NSA2: variants seen among roughly 807,000 people sequenced by gnomAD.
The protein encoded by NSA2 is NSA2 ribosome biogenesis factor.
A neutral mutation model predicts 34.8 loss-of-function variants in NSA2; 18 were observed. The observed-to-expected ratio is 0.52, with a 90% CI of 0.36 to 0.77. NSA2 has a LOEUF of 0.77. Among genes scored for constraint, NSA2 ranks in the 30% least tolerant of loss-of-function variants. The pLI is 0.00. For synonymous variants in NSA2, 79 were observed against 100.2 expected (o/e 0.79, Z 1.26); for missense variants, 188 against 314.7 (o/e 0.60, Z 3.05).
chr5:74,770,914 G>C (rs1298719464), intron 4 of NSA2, 104 bp downstream of exon 4: 5 of 880,804 alleles, frequency 5.7e-6, no homozygotes, highest in Non-Finnish European at 8.2e-6. Context: ...ATGTGGAACA[G>C]GTTGAAAGAT....
rs1301444845 is a variant in NSA2 at position 74,779,464 on chromosome 5, A to G, written c.*2793A>G. 2.0e-5 allele frequency: 3 copies of G among 152,180 alleles called. No individual in the cohort carries two copies. Among genetic ancestry groups the G allele is most frequent in the African/African-American group, 4.8e-5 (2 of 41,464 alleles). The allele number at this position is 152,180 out of a possible 1,614,324, so 9.4% of individuals were successfully genotyped here. Reference sequence around the variant, plus strand: ...AAACAAATCCAAGTAAAAATAAAATATCTACAAGTGTTTTCAAATCTAAGA... The same window carrying G: ...AAACAAATCCAAGTAAAAATAAAATGTCTACAAGTGTTTTCAAATCTAAGA... On this transcript the variant is annotated 3_prime_UTR_variant, in exon 6 of 6. Coordinates refer to ENST00000610426, the MANE Select transcript of NSA2 (RefSeq NM_014886.6).
intron 4 of NSA2, among the ~76,000 whole-genome samples, chr5:74,771,181 G>A (rs1055532592): frequency 2.9e-4 from 44 of 151,906 alleles, no homozygotes; most frequent in African/African-American, 9.4e-4. Context: ...TAGGGAGGCT[G>A]AGGCAGGAGA....
At chr5:74,770,491 T>C (rs965284693) in intron 3 of NSA2, 140 bp from the exon 4 acceptor site, 14 of 611,612 alleles carry the variant, frequency 2.3e-5, no homozygotes, top group African/African-American at 9.3e-5. Flanking sequence ...TACAGACCTC[T>C]AGAAGACGGT....
chr5:74,777,310 T>G lies in NSA2; in HGVS notation c.*639T>G, dbSNP rs895838353. ...TGAAAAAAATATACTAAAGTCTTTG[T>G]ACTCTCTTAGCATTTTCTGTATTCT... is the stretch of plus-strand genomic sequence containing the variant. On this transcript the variant is annotated 3_prime_UTR_variant, in exon 6 of 6. Coordinates refer to ENST00000610426, the MANE Select transcript of NSA2 (RefSeq NM_014886.6). The G allele has an allele frequency of 6.6e-6, 1 of 152,164 alleles. No individual in the cohort carries two copies. Among genetic ancestry groups the G allele is most frequent in the African/African-American group, 2.4e-5 (1 of 41,458 alleles). The allele number at this position is 152,164 out of a possible 1,614,324, so 9.4% of individuals were successfully genotyped here.
At chr5:74,772,741 T>C (rs1744984668) in intron 4 of NSA2, among the ~76,000 whole-genome samples, 1 of 152,244 alleles carries the variant, frequency 6.6e-6, no homozygotes, top group African/African-American at 2.4e-5. Context: ...TTCTAGGTTT[T>C]CTGTAGTTTC....
Position 74,770,756 on chromosome 5 carries a change from T to C in NSA2, c.468T>C (p.Val156=). The change falls in exon 4 of 6, where the codon GTT becomes GTC. Residue 156 remains valine, a synonymous_variant. Coordinates refer to ENST00000610426, the MANE Select transcript of NSA2 (RefSeq NM_014886.6). ...GAATGGTTACTAAAGTGTGCTTTGT[T>C]GGAGATGGCTTTACAAGAAAACCAC... ...WKRMVTKVCF[V]GDGFTRKPPK... 1 of 1,612,304 alleles carries C rather than the reference T, an allele frequency of 6.2e-7. No individual in the cohort carries two copies. Among genetic ancestry groups the C allele is most frequent in the Non-Finnish European group, 8.5e-7 (1 of 1,179,344 alleles).
rs577031670 is a variant in NSA2, at chr5:74,774,077, A to C, written c.715+17A>C. 8 of 1,580,504 alleles carry C rather than the reference A, an allele frequency of 5.1e-6. No homozygotes were observed. The Admixed American group carries it at 1.3e-4, about 26-fold the overall frequency. ...TTATTTGGGGTAAGTGAATTTTTGAATACAGGGCTGCTGTGTTCTGCAGTA... is the reference window on the plus strand; with the variant it reads ...TTATTTGGGGTAAGTGAATTTTTGACTACAGGGCTGCTGTGTTCTGCAGTA... On this transcript the variant is annotated intron_variant, in intron 5 of 5. Transcript: ENST00000610426.
At chr5:74,774,137 A>G in intron 5 of NSA2, 77 bp downstream of exon 5, 1 of 994,814 alleles carries the variant, frequency 1.0e-6, no homozygotes, top group Non-Finnish European at 1.5e-6. Context: ...ATGTATTAAT[A>G]AAATATACAG....
rs1744809927 is a variant in NSA2 at position 74,768,789 on chromosome 5, G to T, written c.4-142G>T. ...GACCAAAATTTAACTTACATCATGT[G>T]AATAAACTTAATGGTGCAAGAATCA... On this transcript the variant is annotated intron_variant, in intron 1 of 5. Coordinates refer to ENST00000610426, the MANE Select transcript of NSA2 (RefSeq NM_014886.6). 6 of 626,112 alleles carry T rather than the reference G, an allele frequency of 9.6e-6. No individual in the cohort carries two copies. The South Asian group carries it at 1.7e-4, about 18-fold the overall frequency. The allele number at this position is 626,112 out of a possible 1,614,324, so 38.8% of individuals were successfully genotyped here. A position where few individuals can be genotyped will look rare whatever the true frequency, so the allele number is the denominator to read the frequency against.
chr5:74,770,331 TAAAAAA>T (rs58512296), intron 3 of NSA2, among the ~76,000 whole-genome samples: 2 of 101,538 alleles, frequency 2.0e-5, no homozygotes, highest in Non-Finnish European at 4.1e-5. Context: ...AGACTCCATC[TAAAAAA>T]AAAAAAAAAA....
intron 1 of NSA2, among the ~76,000 whole-genome samples, chr5:74,768,607 T>G (rs1744799921): frequency 6.6e-6 from 1 of 152,216 alleles, no homozygotes. Context: ...TGACTTAAAT[T>G]TTTTAAATGT....
chr5:74,768,786 T>C, intron 1 of NSA2, 145 bp from the exon 2 acceptor site: 3 of 605,344 alleles, frequency 5.0e-6, no homozygotes, highest in Non-Finnish European at 5.4e-6. Context: ...ACTTACATCA[T>C]GTGAATAAAC....
chr5:74,778,263 C>T lies in NSA2; in HGVS notation c.*1592C>T, dbSNP rs1745222469. On this transcript the variant is annotated 3_prime_UTR_variant, in exon 6 of 6. Coordinates refer to ENST00000610426, the MANE Select transcript of NSA2 (RefSeq NM_014886.6). The stretch of plus-strand genomic sequence containing the variant: ...TGAAACATTTTTCAAAATACTGTAA[C>T]ACAGATGAGTAATATTAGTATAAAT... The T allele has an allele frequency of 6.6e-6, 1 of 151,928 alleles. No individual in the cohort carries two copies. The highest frequency in any genetic ancestry group is 2.1e-4 in the South Asian group (1 of 4,824). The allele number at this position is 151,928 out of a possible 1,614,324, so 9.4% of individuals were successfully genotyped here.
Position 74,776,593 on chromosome 5 carries a change from G to A in NSA2, c.716-11G>A. ...CCTCCCTTTTCCCTTTTTTGGTTTT[G>A]TTTTCCTTAGGAAAATATGCCCAGG... On this transcript the variant is annotated splice_polypyrimidine_tract_variant and intron_variant, in intron 5 of 5. Transcript: ENST00000610426. 1 of 1,515,176 alleles carries A rather than the reference G, an allele frequency of 6.6e-7. No homozygotes were observed. The highest frequency in any genetic ancestry group is 9.1e-7 in the Non-Finnish European group (1 of 1,093,212). The allele number at this position is 1,515,176 out of a possible 1,614,324, so 93.9% of individuals were successfully genotyped here.
At chr5:74,773,471 A>G (rs1745010951) in intron 4 of NSA2, among the ~76,000 whole-genome samples, 1 of 120,132 alleles carries the variant, frequency 8.3e-6, no homozygotes, top group Non-Finnish European at 1.8e-5. Context: ...CATCTCTACC[A>G]AAAAAAAAAA....
In NSA2 at chr5:74,777,418, T is replaced by G. The variant is rs1029320007; in HGVS notation, c.*747T>G. The stretch of plus-strand genomic sequence containing the variant: ...TAAGTTTTAAAAGGAAAAAGAAGAC[T>G]GCACTGATTCCCTGAGGAGAAATTT... On this transcript the variant is annotated 3_prime_UTR_variant, in exon 6 of 6. Transcript: ENST00000610426. 1 of 152,158 alleles carries G rather than the reference T, an allele frequency of 6.6e-6. No individual in the cohort carries two copies. Among genetic ancestry groups the G allele is most frequent in the Non-Finnish European group, 1.5e-5 (1 of 67,966 alleles). 9.4% of individuals were successfully genotyped at this position (152,158 alleles called of 1,614,324 possible).
At chr5:74,775,909 CT>C (rs1158785566) in intron 5 of NSA2, among the ~76,000 whole-genome samples, 1 of 152,116 alleles carries the variant, frequency 6.6e-6, no homozygotes, top group East Asian at 1.9e-4. Context: ...TTGGTTTATA[CT>C]TCATGTCAGC....
Position 74,767,301 on chromosome 5 carries a change from G to C in NSA2, c.-60G>C. Reference sequence around the variant, plus strand: ...GTGGGCTTGTGGGTCTTTGAGACCCGAAAATTGAGAGCGTTTTCGCACTCC... The same window carrying C: ...GTGGGCTTGTGGGTCTTTGAGACCCCAAAATTGAGAGCGTTTTCGCACTCC... On this transcript the variant is annotated 5_prime_UTR_variant, in exon 1 of 6. Transcript: ENST00000610426. 6.2e-7 allele frequency: 1 copy of C among 1,611,010 alleles called. No homozygotes were observed. The highest frequency in any genetic ancestry group is 1.7e-5 in the Admixed American group (1 of 59,944).
At chr5:74,770,540 GATCT>G in intron 3 of NSA2, 87 bp from the exon 4 acceptor site, 1 of 1,039,960 alleles carries the variant, frequency 9.6e-7, no homozygotes, top group South Asian at 2.0e-5. Flanking sequence ...AAAAAAAATA[GATCT>G]ATTACTTTGT....
Sources: gnomAD v4.1 joint callset for allele counts (sites outside exome capture counted in the v4.1 genomes callset) on GRCh38, gnomAD v4.1.1 for gene constraint, MANE v1.5 for transcripts, NCBI Gene and HGNC (gene_info 2026-07-23, HGNC 2026-07-21) for gene names.